LARGE1: variants seen among roughly 807,000 people sequenced by gnomAD.
LARGE1 encodes LARGE xylosyl- and glucuronyltransferase 1, also known as xylosyl- and glucuronyltransferase LARGE1.
A neutral mutation model predicts 87.6 loss-of-function variants in LARGE1; 43 were observed. The observed-to-expected ratio is 0.49, with a 90% CI of 0.38 to 0.63. LARGE1 has a LOEUF of 0.63. Among genes scored for constraint, LARGE1 ranks in the 30% least tolerant of loss-of-function variants. LARGE1 has a pLI of 0.00. For missense variants in LARGE1, 802 were observed against 1,000.2 expected (o/e 0.80, Z 2.67); for synonymous variants, 434 against 394.6 (o/e 1.10, Z -1.18).
At chr22:33,422,993 A>G (rs150934318) in intron 7 of LARGE1, among the ~76,000 whole-genome samples, 98 of 140,370 alleles carry the variant, frequency 7.0e-4, no homozygotes, top group African/African-American at 2.7e-3. Context: ...TACTTACGGG[A>G]TATTTTTTAA....
chr22:33,712,636 CAGTGTGTGTG>C (rs1035130933), intron 2 of LARGE1, among the ~76,000 whole-genome samples: 2 of 101,448 alleles, frequency 2.0e-5, no homozygotes, highest in Non-Finnish European at 3.9e-5. Flanking sequence ...GTGAGGGGTA[CAGTGTGTGTG>C]TGTGTGTGTG....
At chr22:33,483,048 A>C (rs2069401223) in intron 6 of LARGE1, among the ~76,000 whole-genome samples, 1 of 152,192 alleles carries the variant, frequency 6.6e-6, no homozygotes, top group Non-Finnish European at 1.5e-5. Context: ...GTGTATCTTC[A>C]TTAGGTTGTA....
intron 7 of LARGE1, among the ~76,000 whole-genome samples, chr22:33,411,614 G>T (rs2066307065): frequency 6.6e-6 from 1 of 152,160 alleles, no homozygotes; most frequent in African/African-American, 2.4e-5. Context: ...AGCAGTACCA[G>T]AATAGCTTAG....
In LARGE1 at chr22:33,476,878, G is replaced by A. The variant is rs374863638; in HGVS notation, c.788-44613C>T. Reference sequence around the variant, plus strand: ...GTGCACACAGGACCTTTTCATGCACGCAACATGCAGCTTCGGTGACATGAC... The same window carrying A: ...GTGCACACAGGACCTTTTCATGCACACAACATGCAGCTTCGGTGACATGAC... On this transcript the variant is annotated intron_variant, in intron 6 of 14. Transcript: ENST00000397394. Among the ~76,000 whole-genome samples, 13 of 152,218 alleles carry A rather than the reference G, an allele frequency of 8.5e-5. 1 individual carries two copies. The highest frequency in any genetic ancestry group is 2.1e-4 in the South Asian group (1 of 4,804).
intron 6 of LARGE1, among the ~76,000 whole-genome samples, chr22:33,548,527 T>C (rs2077432976): frequency 6.6e-6 from 1 of 152,174 alleles, no homozygotes; most frequent in South Asian, 2.1e-4. Context: ...GCGATTCCCC[T>C]GCCTTAGCCT....
intron 2 of LARGE1, among the ~76,000 whole-genome samples, chr22:33,740,156 C>T (rs1436097755): frequency 6.6e-6 from 1 of 152,150 alleles, no homozygotes; most frequent in East Asian, 1.9e-4. Context: ...AGGACTCAAG[C>T]GTGGTCTTCT....
chr22:33,804,954 T>TA (rs1419100952), intron 1 of LARGE1, among the ~76,000 whole-genome samples: 1 of 152,210 alleles, frequency 6.6e-6, no homozygotes, highest in Non-Finnish European at 1.5e-5. Flanking sequence ...TCTGGCCCAA[T>TA]ATATTCACTT....
intron 2 of LARGE1, among the ~76,000 whole-genome samples, chr22:33,714,031 C>CGTAACATAAT (rs2082837618): frequency 1.4e-5 from 2 of 147,390 alleles, no homozygotes; most frequent in Non-Finnish European, 3.0e-5. Flanking sequence ...CATAACATAA[C>CGTAACATAAT]ATAAAACAAA....
intron 1 of LARGE1, among the ~76,000 whole-genome samples, chr22:33,838,819 T>G (rs1286251699): frequency 9.2e-5 from 14 of 152,142 alleles, no homozygotes; most frequent in Non-Finnish European, 8.8e-5. Flanking sequence ...TGATTGTGTC[T>G]GCAGAATTAA....
chr22:33,764,853 G>A lies in LARGE1; in HGVS notation c.-82-3295C>T, dbSNP rs559338877. On this transcript the variant is annotated intron_variant, in intron 1 of 14. Transcript: ENST00000397394. The stretch of plus-strand genomic sequence containing the variant: ...AGTTATACCGTATTGTTTAGAGAAC[G>A]ACAAAAAAGTCTGCACGTGTTCAGT... Among the ~76,000 whole-genome samples the A allele has an allele frequency of 5.9e-5, 9 of 152,122 alleles. No individual in the cohort carries two copies. The South Asian group carries it at 6.2e-4, about 10-fold the overall frequency.
chr22:33,859,910 A>C (rs1258923909), intron 1 of LARGE1, among the ~76,000 whole-genome samples: 1 of 152,208 alleles, frequency 6.6e-6, no homozygotes, highest in Non-Finnish European at 1.5e-5. Context: ...CCACTCATAT[A>C]AAGTACCTGG....
intron 2 of LARGE1, among the ~76,000 whole-genome samples, chr22:33,689,358 C>G (rs549939501): frequency 1.3e-5 from 2 of 152,124 alleles, no homozygotes; most frequent in Non-Finnish European, 2.9e-5. Flanking sequence ...CCCAGGAAGC[C>G]GCATTCAGCG....
intron 13 of LARGE1, 132 bp downstream of exon 13, chr22:33,283,070 C>T (rs186749318): frequency 1.3e-5 from 14 of 1,107,884 alleles, no homozygotes; most frequent in African/African-American, 4.6e-5. Context: ...CTGGAGAAAG[C>T]GGTGCTTTCC....
intron 13 of LARGE1, among the ~76,000 whole-genome samples, chr22:33,279,498 C>T (rs1930021695): frequency 6.6e-6 from 1 of 152,218 alleles, no homozygotes; most frequent in Non-Finnish European, 1.5e-5. Flanking sequence ...GGACTCCCCC[C>T]AAACCCTCAG....
chr22:33,602,874 C>A (rs1046190667), intron 5 of LARGE1, among the ~76,000 whole-genome samples: 8 of 152,140 alleles, frequency 5.3e-5, no homozygotes, highest in African/African-American at 1.9e-4. Context: ...GCACTGGACT[C>A]CTACCCAAAG....
At chr22:33,394,721 GTGTGTGTGTGTGTGTGTGTGTGTA>G (rs2065663742) in intron 7 of LARGE1, among the ~76,000 whole-genome samples, 2 of 149,098 alleles carry the variant, frequency 1.3e-5, no homozygotes, top group Non-Finnish European at 2.9e-5. Context: ...GTGTGTGTGT[GTGTGTGTGTGTGTGTGTGTGTGTA>G]TGTGTGTGTG....
intron 3 of LARGE1, among the ~76,000 whole-genome samples, chr22:33,648,916 A>G (rs1298690962): frequency 6.6e-6 from 1 of 152,236 alleles, no homozygotes; most frequent in East Asian, 1.9e-4. Context: ...AATGAGATAC[A>G]AAACACGAGT....
intron 6 of LARGE1, among the ~76,000 whole-genome samples, chr22:33,516,253 G>A (rs1227907807): frequency 6.6e-6 from 1 of 152,110 alleles, no homozygotes; most frequent in East Asian, 1.9e-4. Flanking sequence ...AAGCAGGCAA[G>A]GCAGATGTGT....
intron 6 of LARGE1, among the ~76,000 whole-genome samples, chr22:33,535,317 G>A (rs2077010305): frequency 6.6e-6 from 1 of 152,202 alleles, no homozygotes; most frequent in Non-Finnish European, 1.5e-5. Context: ...GCCGAGGTGG[G>A]TGGATCTCCG....
Sources: gnomAD v4.1 joint callset for allele counts (sites outside exome capture counted in the v4.1 genomes callset) on GRCh38, gnomAD v4.1.1 for gene constraint, MANE v1.5 for transcripts, NCBI Gene and HGNC (gene_info 2026-07-23, HGNC 2026-07-21) for gene names.